SOHLH2: variants seen among roughly 807,000 people sequenced by gnomAD.
SOHLH2 encodes the protein spermatogenesis and oogenesis specific basic helix-loop-helix 2.
Under a neutral mutation model 50.4 loss-of-function variants are expected in SOHLH2, and 22 were observed. That is an observed-to-expected ratio of 0.44 (90% CI 0.31 to 0.62). The LOEUF is 0.62. Ranked by LOEUF, SOHLH2 falls within the 20% of genes least tolerant of loss-of-function variation. The pLI is 0.08. For synonymous variants in SOHLH2, 185 were observed against 187.3 expected, an observed-to-expected ratio of 0.99 and a Z score of 0.10; for missense variants, 412 against 504.4, an observed-to-expected ratio of 0.82 and a Z score of 1.76.
intron 1 of SOHLH2, among the ~76,000 whole-genome samples, chr13:36,206,979 C>T (rs969538639): frequency 1.3e-5 from 2 of 151,546 alleles, no homozygotes; most frequent in Non-Finnish European, 3.0e-5. Context: ...AAACATACCT[C>T]CTTGCCCTTT....
At chr13:36,192,382 G>C (rs1887601438) in intron 4 of SOHLH2, among the ~76,000 whole-genome samples, 1 of 152,200 alleles carries the variant, frequency 6.6e-6, no homozygotes, top group Non-Finnish European at 1.5e-5. Flanking sequence ...GTGACGAGCA[G>C]CTGCTCTATT....
intron 1 of SOHLH2, among the ~76,000 whole-genome samples, chr13:36,205,000 T>G (rs1356664826): frequency 6.6e-6 from 1 of 152,212 alleles, no homozygotes; most frequent in African/African-American, 2.4e-5. Context: ...GTCCTACGTA[T>G]TCCCAGATAT....
At chr13:36,191,047 C>A (rs1887557363) in intron 5 of SOHLH2, among the ~76,000 whole-genome samples, 1 of 152,144 alleles carries the variant, frequency 6.6e-6, no homozygotes, top group South Asian at 2.1e-4. Flanking sequence ...TTCTTTGTAT[C>A]CCTAGGCTCT....
chr13:36,203,622 A>T (rs1300691991), intron 1 of SOHLH2, among the ~76,000 whole-genome samples: 2 of 152,200 alleles, frequency 1.3e-5, no homozygotes, highest in Admixed American at 6.5e-5. Flanking sequence ...ACAAAAATTT[A>T]TATCCCCGTA....
intron 6 of SOHLH2, among the ~76,000 whole-genome samples, chr13:36,180,062 A>G (rs1182294378): frequency 1.3e-5 from 2 of 152,176 alleles, no homozygotes; most frequent in African/African-American, 2.4e-5. Context: ...AACAAGTTCA[A>G]TTTTGTTAAA....
chr13:36,198,133 G>T (rs1887788450), intron 2 of SOHLH2, among the ~76,000 whole-genome samples: 1 of 152,174 alleles, frequency 6.6e-6, no homozygotes, highest in Admixed American at 6.5e-5. Context: ...GGGAAGAAAT[G>T]AAATCAGATT....
Position 36,205,970 on chromosome 13 carries a change from ATTGT to A in SOHLH2, c.49-3881_49-3878del, listed in dbSNP as rs1218938965. On this transcript the variant is annotated intron_variant, in intron 1 of 10. Transcript: ENST00000379881. ...AATCCATTTCATATGGAGTTTTTATATTGTTTAATGTTTTAATTTTAAAATATAT... is the reference window on the plus strand; with the variant it reads ...AATCCATTTCATATGGAGTTTTTATATTAATGTTTTAATTTTAAAATATAT... Among the ~76,000 whole-genome samples the A allele has an allele frequency of 1.2e-4, 18 of 151,960 alleles. No homozygotes were observed. The East Asian group carries it at 3.3e-3, about 28-fold the overall frequency.
chr13:36,185,371 G>A (rs1200585181), intron 6 of SOHLH2, among the ~76,000 whole-genome samples: 1 of 151,958 alleles, frequency 6.6e-6, no homozygotes, highest in South Asian at 2.1e-4. Context: ...GGAGGCTGAG[G>A]CAGGAGAATT....
intron 6 of SOHLH2, among the ~76,000 whole-genome samples, chr13:36,185,348 T>C (rs985606869): frequency 2.0e-5 from 3 of 151,954 alleles, no homozygotes; most frequent in African/African-American, 7.3e-5. Context: ...ACACCTGTAA[T>C]TCCAGCTGCT....
intron 6 of SOHLH2, among the ~76,000 whole-genome samples, chr13:36,180,073 C>T (rs1033984477): frequency 1.3e-5 from 2 of 152,160 alleles, no homozygotes; most frequent in African/African-American, 4.8e-5. Flanking sequence ...TTTTGTTAAA[C>T]ATAGAGCTAT....
intron 2 of SOHLH2, among the ~76,000 whole-genome samples, chr13:36,201,025 G>A (rs946851118): frequency 2.0e-4 from 27 of 134,536 alleles, no homozygotes; most frequent in African/African-American, 7.3e-4. Flanking sequence ...CTCCAGCCTG[G>A]GCAACAGAAC....
rs1054727148 is a variant in SOHLH2 at position 36,174,332 on chromosome 13, C to T, written c.881+144G>A. The stretch of plus-strand genomic sequence containing the variant: ...TGTTTATCACTGCAACGAAATGATA[C>T]ACATCGGCAATTAGAAAAGTTCGCT... On this transcript the variant is annotated intron_variant, in intron 8 of 10. Transcript: ENST00000379881. The T allele has an allele frequency of 6.3e-6, 6 of 954,958 alleles. No individual in the cohort carries two copies. In the African/African-American group the frequency reaches 6.6e-5, roughly 10 times the overall value. 59.2% of individuals were successfully genotyped at this position (954,958 alleles called of 1,614,324 possible).
chr13:36,198,289 C>T (rs532022426), intron 2 of SOHLH2, among the ~76,000 whole-genome samples: 12 of 152,262 alleles, frequency 7.9e-5, no homozygotes, highest in South Asian at 6.2e-4. Flanking sequence ...CATATACTGA[C>T]GAGTTTAAAA....
chr13:36,177,919 C>T (rs2138273954), intron 6 of SOHLH2, among the ~76,000 whole-genome samples: 1 of 151,892 alleles, frequency 6.6e-6, no homozygotes, highest in East Asian at 1.9e-4. Flanking sequence ...TTTGATAAAT[C>T]CAATTTATTT....
At position 36,214,470 on chromosome 13, in the gene SOHLH2, G is replaced by T. The variant is rs200008856; in HGVS notation, c.48+9C>A. 3.1e-3 allele frequency: 4,990 copies of T among 1,612,534 alleles called. 8 individuals carry two copies. Among genetic ancestry groups the T allele is most frequent in the Non-Finnish European group, 3.7e-3 (4,391 of 1,179,330 alleles). On this transcript the variant is annotated intron_variant, in intron 1 of 10. Transcript: ENST00000379881. Reference sequence around the variant, plus strand: ...AAACGCAGCTGCCTCCCCTTCCACAGCCTCTTACCTGGCCCGAGATCTGGC... The same window carrying T: ...AAACGCAGCTGCCTCCCCTTCCACATCCTCTTACCTGGCCCGAGATCTGGC...
At chr13:36,173,535 A>C (rs571014054) in intron 9 of SOHLH2, among the ~76,000 whole-genome samples, 157 bp downstream of exon 9, 22 of 152,312 alleles carry the variant, frequency 1.4e-4, no homozygotes, top group African/African-American at 4.1e-4. Flanking sequence ...TATTTAAACA[A>C]CTGTAGCCAC....
chr13:36,214,364 G>C, intron 1 of SOHLH2, 115 bp downstream of exon 1: 1 of 1,300,838 alleles, frequency 7.7e-7, no homozygotes, highest in Non-Finnish European at 1.1e-6. Flanking sequence ...GCTCCCCACA[G>C]TTCCCCGACA....
At chr13:36,197,486 A>T (rs1285964324) in intron 2 of SOHLH2, among the ~76,000 whole-genome samples, 2 of 152,106 alleles carry the variant, frequency 1.3e-5, no homozygotes, top group African/African-American at 4.8e-5. Flanking sequence ...GGCCTCTGAA[A>T]TCTATCATCT....
At chr13:36,204,694 T>C (rs529134110) in intron 1 of SOHLH2, among the ~76,000 whole-genome samples, 1 of 152,312 alleles carries the variant, frequency 6.6e-6, no homozygotes, top group South Asian at 2.1e-4. Context: ...TAGCTCTTTA[T>C]AGTGTGTTTT....
Sources: allele counts gnomAD v4.1 joint callset (sites outside exome capture counted in the v4.1 genomes callset), GRCh38; gene constraint gnomAD v4.1.1; transcripts MANE v1.5; gene names NCBI Gene and HGNC (gene_info 2026-07-23, HGNC 2026-07-21).